The following PARD3B variants were observed in gnomAD, a reference collection of about 807,000 sequenced individuals.
PARD3B encodes par-3 family cell polarity regulator beta.
PARD3B carries 103 observed loss-of-function variants against 130.2 expected under a neutral mutation model. The observed-to-expected ratio is 0.79, with a 90% CI of 0.67 to 0.93. The LOEUF (loss-of-function observed/expected upper bound fraction) is 0.93, where lower values mean the gene tolerates loss of function less well. Ranked by LOEUF, PARD3B falls within the 40% of genes least tolerant of loss-of-function variation. PARD3B has a pLI of 0.00. For missense variants in PARD3B, 1,609 were observed against 1,499.2 expected (o/e 1.07, Z -1.21); for synonymous variants, 583 against 553.2 (o/e 1.05, Z -0.76).
At chr2:205,275,080 G>A (rs6435279) in intron 16 of PARD3B, among the ~76,000 whole-genome samples, 83,122 of 151,750 alleles carry the variant, frequency 0.55, 24,323 homozygotes, top group Admixed American at 0.68. Flanking sequence ...AGTAAGGCTC[G>A]CTTCTGATTT....
chr2:204,946,518 T>C (rs1218375033), intron 2 of PARD3B, among the ~76,000 whole-genome samples: 1 of 152,174 alleles, frequency 6.6e-6, no homozygotes, highest in Non-Finnish European at 1.5e-5. Context: ...TTACAACCTC[T>C]ATGTAATTGT....
At chr2:205,138,280 T>A (rs907045485) in intron 10 of PARD3B, among the ~76,000 whole-genome samples, 1 of 152,228 alleles carries the variant, frequency 6.6e-6, no homozygotes, top group Admixed American at 6.5e-5. Context: ...AGGCCAGGCA[T>A]GCTCCTTTCC....
intron 2 of PARD3B, among the ~76,000 whole-genome samples, chr2:204,787,436 T>C (rs911795405): frequency 2.6e-5 from 4 of 152,152 alleles, no homozygotes; most frequent in African/African-American, 7.2e-5. Flanking sequence ...TTGTGAAATA[T>C]ATAGTCTCAG....
intron 1 of PARD3B, among the ~76,000 whole-genome samples, chr2:204,594,345 C>A (rs2033198739): frequency 6.6e-6 from 1 of 152,206 alleles, no homozygotes; most frequent in East Asian, 1.9e-4. Context: ...AGTTTACCAA[C>A]ATACTTTCTC....
chr2:205,509,936 G>C lies in PARD3B; in HGVS notation c.3180+9905G>C, dbSNP rs113218556. 9.9e-3 allele frequency among the ~76,000 whole-genome samples: 1,510 copies of C among 152,318 alleles called. 17 individuals are homozygous for C. Among genetic ancestry groups the C allele is most frequent in the Non-Finnish European group, 0.015 (988 of 68,026 alleles). On this transcript the variant is annotated intron_variant, in intron 21 of 22. Transcript: ENST00000406610. The stretch of plus-strand genomic sequence containing the variant: ...ACATGGGCCAGGATGCCTCAGCTCT[G>C]CTTAAAAATCTGCCCTGATAAGATA...
At chr2:204,590,022 T>G (rs1169409416) in intron 1 of PARD3B, among the ~76,000 whole-genome samples, 1 of 152,154 alleles carries the variant, frequency 6.6e-6, no homozygotes, top group Non-Finnish European at 1.5e-5. Flanking sequence ...ATGGGAAGGA[T>G]AATGGGTTTC....
intron 18 of PARD3B, among the ~76,000 whole-genome samples, chr2:205,376,764 T>C (rs1027988735): frequency 3.3e-5 from 5 of 151,608 alleles, no homozygotes; most frequent in Non-Finnish European, 7.4e-5. Flanking sequence ...CAAGAGAAAA[T>C]AAATTGGAGG....
intron 2 of PARD3B, among the ~76,000 whole-genome samples, chr2:204,688,211 G>A (rs1173597279): frequency 6.6e-6 from 1 of 152,034 alleles, no homozygotes; most frequent in African/African-American, 2.4e-5. Flanking sequence ...TGCCTAATTG[G>A]TATTGTTCTG....
At chr2:205,507,107 G>A (rs1242406736) in intron 21 of PARD3B, among the ~76,000 whole-genome samples, 1 of 144,952 alleles carries the variant, frequency 6.9e-6, no homozygotes, top group Admixed American at 7.0e-5. Context: ...TGGAGTGGAT[G>A]TTCAGCACAA....
chr2:205,062,390 T>G (rs1438375313), intron 4 of PARD3B, among the ~76,000 whole-genome samples: 1 of 152,112 alleles, frequency 6.6e-6, no homozygotes, highest in African/African-American at 2.4e-5. Flanking sequence ...GACTGAGGCA[T>G]GCCCTGCTGT....
chr2:205,228,177 GTACTTAACAT>G (rs935461999), intron 15 of PARD3B, among the ~76,000 whole-genome samples: 1 of 152,082 alleles, frequency 6.6e-6, no homozygotes, highest in African/African-American at 2.4e-5. Context: ...GTTTTTCTAT[GTACTTAACAT>G]TACTAGTGAG....
At chr2:204,636,988 G>C (rs1188886912) in intron 1 of PARD3B, among the ~76,000 whole-genome samples, 1 of 151,926 alleles carries the variant, frequency 6.6e-6, no homozygotes, top group Admixed American at 6.6e-5. Flanking sequence ...GTTATTCTTA[G>C]GTATTTCTAG....
Position 205,421,510 on chromosome 2 carries a change from C to G in PARD3B, c.2742-18860C>G, listed in dbSNP as rs565975676. On this transcript the variant is annotated intron_variant, in intron 19 of 22. Transcript: ENST00000406610. This position sits in a 1 kb window ranked among gnomAD's most constrained non-coding sequence, Gnocchi z 5.1. Reference sequence around the variant, plus strand: ...TATGTTATAGGGTCTGAGGTTTCATCTTTCATATTTCCACATTGCAGGAAA... The same window carrying G: ...TATGTTATAGGGTCTGAGGTTTCATGTTTCATATTTCCACATTGCAGGAAA... Among the ~76,000 whole-genome samples, 1 of 152,248 alleles carries G rather than the reference C, an allele frequency of 6.6e-6. No homozygotes were observed. The highest frequency in any genetic ancestry group is 1.5e-5 in the Non-Finnish European group (1 of 68,002).
intron 15 of PARD3B, among the ~76,000 whole-genome samples, chr2:205,210,660 C>A (rs1007277510): frequency 5.3e-5 from 8 of 152,130 alleles, no homozygotes; most frequent in Admixed American, 5.2e-4. Context: ...TGACCAGTTG[C>A]CCTGCAGAAA....
intron 2 of PARD3B, among the ~76,000 whole-genome samples, chr2:204,818,909 G>C (rs1056305449): frequency 2.0e-4 from 31 of 152,174 alleles, no homozygotes; most frequent in Non-Finnish European, 1.2e-4. Flanking sequence ...TTTCATGGGA[G>C]AGTATGTTGA....
intron 1 of PARD3B, among the ~76,000 whole-genome samples, chr2:204,571,767 G>A (rs1358876403): frequency 6.6e-6 from 1 of 152,180 alleles, no homozygotes. Flanking sequence ...TGAATGAGAA[G>A]TTAGAGCATA....
rs114092640 is a variant in PARD3B at position 205,562,100 on chromosome 2, A to G, written c.3260+8697A>G. Among the ~76,000 whole-genome samples the G allele has an allele frequency of 4.7e-3, 717 of 152,318 alleles. 5 individuals carry two copies. The highest frequency in any genetic ancestry group is 0.016 in the African/African-American group (649 of 41,566). On this transcript the variant is annotated intron_variant, in intron 22 of 22. Transcript: ENST00000406610. This position sits in a 1 kb window ranked among gnomAD's most constrained non-coding sequence, Gnocchi z 5.4. ...AAAATGCAGAAAGCCCCAGCATGTAATATCACTTTAAGATGCCAAACAGCT... is the reference window on the plus strand; with the variant it reads ...AAAATGCAGAAAGCCCCAGCATGTAGTATCACTTTAAGATGCCAAACAGCT...
In PARD3B at chr2:204,699,471, A is replaced by G. The variant is rs541386419; in HGVS notation, c.222+13189A>G. On this transcript the variant is annotated intron_variant, in intron 2 of 22. Coordinates refer to ENST00000406610, the MANE Select transcript of PARD3B (RefSeq NM_001302769.2). ...CAGAACATGCCACTCTTCCCTAACAAGACAGAATAATTTGGTATATTTAGG... is the reference window on the plus strand; with the variant it reads ...CAGAACATGCCACTCTTCCCTAACAGGACAGAATAATTTGGTATATTTAGG... 1.6e-4 allele frequency among the ~76,000 whole-genome samples: 24 copies of G among 152,220 alleles called. 1 individual carries two copies. The highest frequency in any genetic ancestry group is 8.3e-4 in the South Asian group (4 of 4,818).
chr2:205,017,688 G>A (rs1346606362), intron 3 of PARD3B, among the ~76,000 whole-genome samples: 2 of 152,060 alleles, frequency 1.3e-5, no homozygotes, highest in Non-Finnish European at 2.9e-5. Context: ...CCATGTCAAT[G>A]ACTTGCTTAA....
Sources: gnomAD v4.1 joint callset for allele counts (sites outside exome capture counted in the v4.1 genomes callset) on GRCh38, gnomAD v4.1.1 for gene constraint, Gnocchi (gnomAD v3.1) non-coding constraint, MANE v1.5 for transcripts, NCBI Gene and HGNC (gene_info 2026-07-23, HGNC 2026-07-21) for gene names.